Variants in ANK2 observed in about 807,000 individuals in gnomAD.
ANK2 encodes ankyrin 2.
ANK2 carries 83 observed loss-of-function variants against 360.5 expected under a neutral mutation model. That is an observed-to-expected ratio of 0.23 (90% confidence interval 0.19 to 0.28). ANK2 has a LOEUF of 0.28. Among genes scored for constraint, ANK2 ranks in the 10% least tolerant of loss-of-function variants. The pLI is 1.00. For missense variants in ANK2, 4,201 were observed against 4,795.7 expected, an observed-to-expected ratio of 0.88 and a Z score of 3.66; for synonymous variants, 1,740 against 1,759.5, an observed-to-expected ratio of 0.99 and a Z score of 0.28.
intron 1 of ANK2, among the ~76,000 whole-genome samples, chr4:112,887,792 A>G (rs1414120572): frequency 3.3e-5 from 5 of 152,080 alleles, no homozygotes; most frequent in African/African-American, 1.2e-4. Context: ...ATATAAATTT[A>G]TTTGTGTCTA....
At chr4:112,827,398 A>C in intron 1 of ANK2, 1 of 1,379,056 alleles carries the variant, frequency 7.3e-7, no homozygotes, top group South Asian at 1.2e-5. Context: ...TCTTGCAGCT[A>C]TTGGACCAAG....
intron 13 of ANK2, among the ~76,000 whole-genome samples, chr4:113,259,815 T>C (rs1375085220): frequency 6.7e-6 from 1 of 150,014 alleles, no homozygotes; most frequent in East Asian, 1.9e-4. Flanking sequence ...TTTTTTTCTT[T>C]TTTTTTTTTT....
intron 1 of ANK2, among the ~76,000 whole-genome samples, chr4:112,872,560 C>A (rs565375564): frequency 1.3e-5 from 2 of 152,300 alleles, no homozygotes; most frequent in Admixed American, 1.3e-4. Context: ...TGGTCTCGAA[C>A]CCCCAACCTC....
chr4:113,258,422 C>T lies in ANK2; in HGVS notation c.1386+11C>T, dbSNP rs774154023. On this transcript the variant is annotated intron_variant, in intron 13 of 45. Coordinates refer to ENST00000357077, the MANE Select transcript of ANK2 (RefSeq NM_001148.6). ...GATGTCACTAACATTGTGAGTATGG[C>T]TTGGGTCAGAATAACCCCAGGGAGG... 6.2e-7 allele frequency: 1 copy of T among 1,608,450 alleles called. No individual in the cohort carries two copies. The highest frequency in any genetic ancestry group is 1.1e-5 in the South Asian group (1 of 90,936).
intron 4 of ANK2, among the ~76,000 whole-genome samples, chr4:113,219,223 A>G (rs1274167731): frequency 6.6e-6 from 1 of 152,134 alleles, no homozygotes; most frequent in African/African-American, 2.4e-5. Flanking sequence ...TTCTTTAAGG[A>G]AATCTACCAG....
chr4:113,139,905 T>C (rs2096575917), intron 1 of ANK2, among the ~76,000 whole-genome samples: 1 of 152,244 alleles, frequency 6.6e-6, no homozygotes, highest in African/African-American at 2.4e-5. Flanking sequence ...CATGAATAGC[T>C]TGGCAATATT....
intron 2 of ANK2, among the ~76,000 whole-genome samples, chr4:112,992,165 A>T (rs1180885524): frequency 6.8e-6 from 1 of 147,760 alleles, no homozygotes; most frequent in African/African-American, 2.5e-5. Context: ...TTTTTTTTAG[A>T]CGGAGTTTCA....
chr4:113,278,059 A>G (rs904277439), intron 16 of ANK2, 124 bp downstream of exon 16: 15 of 954,462 alleles, frequency 1.6e-5, no homozygotes, highest in Non-Finnish European at 2.3e-5. Context: ...TATCCCAAAT[A>G]GACATGGTGG....
intron 2 of ANK2, among the ~76,000 whole-genome samples, chr4:113,020,035 A>G (rs1487677987): frequency 6.6e-6 from 1 of 152,198 alleles, no homozygotes; most frequent in Admixed American, 6.5e-5. Flanking sequence ...TTCAGGATTG[A>G]CAGCAGCTGT....
intron 24 of ANK2, among the ~76,000 whole-genome samples, chr4:113,311,731 C>T (rs1209781606): frequency 1.3e-5 from 2 of 152,076 alleles, no homozygotes; most frequent in African/African-American, 4.8e-5. Flanking sequence ...ACAATTTTGC[C>T]TTATAGACAT....
At chr4:113,134,028 A>G (rs1028700525) in intron 1 of ANK2, among the ~76,000 whole-genome samples, 1 of 152,172 alleles carries the variant, frequency 6.6e-6, no homozygotes, top group Non-Finnish European at 1.5e-5. Flanking sequence ...GGTCCCTAAT[A>G]ATAAGATTAC....
chr4:112,841,894 A>G (rs974945151), intron 1 of ANK2, among the ~76,000 whole-genome samples: 4 of 152,344 alleles, frequency 2.6e-5, no homozygotes, highest in African/African-American at 9.6e-5. Context: ...ATTTTTATTA[A>G]TTTAAAGTAA....
At chr4:113,316,655 AT>A in intron 24 of ANK2, among the ~76,000 whole-genome samples, 1 of 152,322 alleles carries the variant, frequency 6.6e-6, no homozygotes, top group African/African-American at 2.4e-5. Flanking sequence ...TTGGGCTAAT[AT>A]TTTGAACACA....
intron 32 of ANK2, 33 bp downstream of exon 32, chr4:113,339,355 GAT>G: frequency 1.3e-6 from 2 of 1,560,182 alleles, no homozygotes; most frequent in Non-Finnish European, 1.8e-6. Flanking sequence ...AGCCCACTAT[GAT>G]ATGTTACCCT....
intron 1 of ANK2, among the ~76,000 whole-genome samples, chr4:112,890,824 C>T (rs960102298): frequency 2.0e-5 from 3 of 152,066 alleles, no homozygotes; most frequent in Non-Finnish European, 4.4e-5. Flanking sequence ...GCCTCAGCCT[C>T]CCAAAATGCT....
chr4:112,707,681 A>T, the ANK2 span, among the ~76,000 whole-genome samples: 1 of 152,226 alleles, frequency 6.6e-6, no homozygotes, highest in Admixed American at 6.5e-5. Context: ...ACATACATAA[A>T]CATTGAGGAA....
chr4:112,755,317 T>C, the ANK2 span, among the ~76,000 whole-genome samples: 1 of 152,252 alleles, frequency 6.6e-6, no homozygotes. Flanking sequence ...AAGGGCTTCA[T>C]GGAACTATTG....
rs186081929 is a variant in ANK2, at chr4:112,864,372, T to C, written c.-39-40083T>C. 2.0e-3 allele frequency among the ~76,000 whole-genome samples: 306 copies of C among 152,232 alleles called. 1 individual carries two copies. The highest frequency in any genetic ancestry group is 3.3e-3 in the Non-Finnish European group (226 of 68,004). On this transcript the variant is annotated intron_variant, in intron 1 of 30. Coordinates refer to the ANK2 transcript ENST00000503271. ...TTGCCCAGGCTGGAGTGCAATGGCA[T>C]GATCTCAGCTCTATGCAATCTCCGC...
chr4:113,165,922 C>T (rs1184419784), intron 1 of ANK2, among the ~76,000 whole-genome samples: 1 of 152,094 alleles, frequency 6.6e-6, no homozygotes, highest in African/African-American at 2.4e-5. Context: ...TTCCCTGTTA[C>T]TCTGATTTTC....
Sources: gnomAD v4.1 joint callset for allele counts (sites outside exome capture counted in the v4.1 genomes callset) on GRCh38, gnomAD v4.1.1 for gene constraint, MANE v1.5 for transcripts, NCBI Gene and HGNC (gene_info 2026-07-23, HGNC 2026-07-21) for gene names.